Variants in PDE3A observed in about 807,000 individuals in gnomAD.
The protein encoded by PDE3A is phosphodiesterase 3A.
In PDE3A, 43 loss-of-function variants were observed where a neutral mutation model predicts 98.3. The observed-to-expected ratio is 0.44, with a 90% CI of 0.34 to 0.56. The LOEUF (loss-of-function observed/expected upper bound fraction) is 0.56, where lower values mean the gene tolerates loss of function less well. PDE3A is among the 20% of genes least tolerant of loss of function. The pLI, the probability that PDE3A is intolerant of heterozygous loss-of-function variation, is 0.01. For synonymous variants in PDE3A, 663 were observed against 567.9 expected, an observed-to-expected ratio of 1.17 and a Z score of -2.38; for missense variants, 1,427 against 1,440.7, an observed-to-expected ratio of 0.99 and a Z score of 0.15.
At chr12:20,376,249 A>T (rs981584799) in intron 1 of PDE3A, among the ~76,000 whole-genome samples, 1 of 151,888 alleles carries the variant, frequency 6.6e-6, no homozygotes, top group Non-Finnish European at 1.5e-5. Flanking sequence ...GATTTTAGAG[A>T]GAAGGAAACT....
intron 1 of PDE3A, among the ~76,000 whole-genome samples, chr12:20,468,931 C>T (rs1390411877): frequency 2.6e-5 from 4 of 152,178 alleles, no homozygotes; most frequent in African/African-American, 9.7e-5. Flanking sequence ...AACTGTGAGG[C>T]TGCCACTCAG....
At chr12:20,441,360 C>A (rs1247686970) in intron 1 of PDE3A, among the ~76,000 whole-genome samples, 1 of 151,832 alleles carries the variant, frequency 6.6e-6, no homozygotes, top group Non-Finnish European at 1.5e-5. Flanking sequence ...CTGAGAAAGA[C>A]GTAGTCGAAG....
chr12:20,648,420 A>G (rs1944826440), intron 12 of PDE3A, among the ~76,000 whole-genome samples: 2 of 151,860 alleles, frequency 1.3e-5, no homozygotes, highest in South Asian at 4.1e-4. Flanking sequence ...CTTTTAAAAA[A>G]TATCTATTAA....
intron 2 of PDE3A, among the ~76,000 whole-genome samples, chr12:20,611,063 A>G (rs1032999399): frequency 1.3e-5 from 2 of 151,970 alleles, no homozygotes; most frequent in African/African-American, 4.8e-5. Flanking sequence ...TCACAAAAAT[A>G]CTATGCAAGA....
rs1255106572 is a variant in PDE3A at position 20,646,754 on chromosome 12, C to T, written c.2369C>T (p.Ser790Phe). 4.4e-6 allele frequency: 7 copies of T among 1,597,564 alleles called. No individual in the cohort carries two copies. The highest frequency in any genetic ancestry group is 6.0e-6 in the Non-Finnish European group (7 of 1,165,102). The change falls in exon 12 of 16, where the codon TCT becomes TTT. Residue 790 changes from serine to phenylalanine, a missense_variant. Around this residue, in one of 3 missense-constraint regions of PDE3A, gnomAD observed 273 missense variants for 420.3 expected, o/e 0.65. Transcript: ENST00000359062. ...GACTCTCATTTTCTCTTCTCAGATT[C>T]TGACAGTGGATTTACACATGGACAT... ...NDHGSTSDSDSDSGFTHGHMG... is the reference protein window; with the variant it reads ...NDHGSTSDSDFDSGFTHGHMG...
chr12:20,554,022 C>G (rs1437582609), intron 1 of PDE3A, among the ~76,000 whole-genome samples: 8 of 149,822 alleles, frequency 5.3e-5, no homozygotes, highest in Non-Finnish European at 1.2e-4. Context: ...AACACATTTT[C>G]TAAATGAATT....
At chr12:20,450,048 G>T (rs949126044) in intron 1 of PDE3A, 1 of 617,052 alleles carries the variant, frequency 1.6e-6, no homozygotes, top group Non-Finnish European at 3.0e-6. Context: ...TTCCACAATT[G>T]CATATTTCTT....
intron 1 of PDE3A, among the ~76,000 whole-genome samples, chr12:20,403,233 A>G (rs887385633): frequency 2.6e-5 from 4 of 152,204 alleles, no homozygotes; most frequent in African/African-American, 7.2e-5. Flanking sequence ...ATGTTTGGAG[A>G]TATTTTCCTG....
intron 8 of PDE3A, among the ~76,000 whole-genome samples, chr12:20,635,576 T>C (rs1258750635): frequency 2.0e-5 from 2 of 97,584 alleles, no homozygotes; most frequent in African/African-American, 6.6e-5. Flanking sequence ...AGACTCTGTC[T>C]CAAAAAAAAA....
In PDE3A at chr12:20,646,893, C is replaced by T. The variant is rs923392546; in HGVS notation, c.2508C>T (p.His836=). 11 of 1,613,850 alleles carry T rather than the reference C, an allele frequency of 6.8e-6. No homozygotes were observed. Among genetic ancestry groups the T allele is most frequent in the East Asian group, 6.7e-5 (3 of 44,858 alleles). The change falls in exon 12 of 16, where the codon CAC becomes CAT. Residue 836 remains histidine, a synonymous_variant. Transcript: ENST00000359062. ...LMALYVAAAM[H]DYDHPGRTNA... is the part of the protein sequence containing the mutation. The stretch of plus-strand genomic sequence containing the variant: ...CGCTGTATGTGGCTGCAGCCATGCA[C>T]GATTATGATCATCCAGGAAGGACTA...
At chr12:20,669,745 A>C (rs1367671148) in intron 15 of PDE3A, among the ~76,000 whole-genome samples, 1 of 152,352 alleles carries the variant, frequency 6.6e-6, no homozygotes, top group East Asian at 1.9e-4. Context: ...CTGCAAAATC[A>C]TGCCAAGATG....
intron 15 of PDE3A, among the ~76,000 whole-genome samples, chr12:20,656,349 G>A (rs1945044084): frequency 6.6e-6 from 1 of 152,126 alleles, no homozygotes; most frequent in Non-Finnish European, 1.5e-5. Flanking sequence ...GCACACATAA[G>A]CAAACATAAA....
At chr12:20,605,958 A>G (rs531309284) in intron 2 of PDE3A, among the ~76,000 whole-genome samples, 46 of 152,038 alleles carry the variant, frequency 3.0e-4, no homozygotes, top group Non-Finnish European at 6.2e-4. Context: ...TATTTAATTA[A>G]GTTATCAATT....
chr12:20,644,125 G>T (rs1190847072), intron 10 of PDE3A, among the ~76,000 whole-genome samples: 1 of 152,016 alleles, frequency 6.6e-6, no homozygotes, highest in African/African-American at 2.4e-5. Flanking sequence ...TAAGAAGCTG[G>T]CTTCCAACAT....
chr12:20,678,893 ATTGAAGGAAGGGGGAAAAGTTC>A (rs1227941069), intron 15 of PDE3A, among the ~76,000 whole-genome samples: 2 of 152,166 alleles, frequency 1.3e-5, no homozygotes, highest in African/African-American at 4.8e-5. Context: ...GAACCACATA[ATTGAAGGAAGGGGGAAAAGTTC>A]CCCCTAAATG....
chr12:20,371,583 G>A (rs926058943), intron 1 of PDE3A: 3 of 256,974 alleles, frequency 1.2e-5, no homozygotes, highest in African/African-American at 6.9e-5. Flanking sequence ...AAATGGAGTT[G>A]ATTACACAGA....
chr12:20,385,466 G>A (rs1943738720), intron 1 of PDE3A, among the ~76,000 whole-genome samples: 1 of 151,872 alleles, frequency 6.6e-6, no homozygotes, highest in African/African-American at 2.4e-5. Context: ...TATAAATCAT[G>A]CTGCTACAAA....
At chr12:20,516,837 T>C (rs1946331438) in intron 1 of PDE3A, among the ~76,000 whole-genome samples, 1 of 152,194 alleles carries the variant, frequency 6.6e-6, no homozygotes, top group Non-Finnish European at 1.5e-5. Context: ...GTAATTTACA[T>C]TGAGATAAGT....
intron 2 of PDE3A, chr12:20,571,962 G>A (rs1942810787): frequency 9.4e-7 from 1 of 1,059,354 alleles, no homozygotes; most frequent in Non-Finnish European, 1.1e-6. Flanking sequence ...TGAGCACACA[G>A]AACTTTCATT....
Sources: allele counts gnomAD v4.1 joint callset (sites outside exome capture counted in the v4.1 genomes callset), GRCh38; gene constraint gnomAD v4.1.1; regional missense constraint gnomAD v4.1.1; transcripts MANE v1.5; gene names NCBI Gene and HGNC (gene_info 2026-07-23, HGNC 2026-07-21).